Variants in UBE2D3 observed in about 807,000 individuals in gnomAD.
The protein encoded by UBE2D3 is ubiquitin-conjugating enzyme E2 D3.
In UBE2D3, 2 loss-of-function variants were observed where a neutral mutation model predicts 22.8. The observed-to-expected ratio is 0.09, with a 90% CI of 0.04 to 0.28. The LOEUF is 0.28. Ranked by LOEUF, UBE2D3 falls within the 10% of genes least tolerant of loss-of-function variation. UBE2D3 has a pLI of 1.00. For missense variants in UBE2D3, 27 were observed against 182.5 expected, an observed-to-expected ratio of 0.15 and a Z score of 4.91; for synonymous variants, 56 against 60.4, an observed-to-expected ratio of 0.93 and a Z score of 0.34.
At chr4:102,805,481 A>G (rs2110267416) in intron 4 of UBE2D3, among the ~76,000 whole-genome samples, 1 of 151,302 alleles carries the variant, frequency 6.6e-6, no homozygotes, top group African/African-American at 2.4e-5. Flanking sequence ...CTGTGGCAAT[A>G]AAACGTTGGT....
At chr4:102,829,266 G>A (rs1730974978), upstream of UBE2D3, among the ~76,000 whole-genome samples, 1 of 152,170 alleles carries the variant, frequency 6.6e-6, no homozygotes, top group Non-Finnish European at 1.5e-5. Context: ...GAGTAGCAAA[G>A]CACTGAAGTG....
At chr4:102,854,253 T>C (rs1732525968) in intron 1 of UBE2D3, among the ~76,000 whole-genome samples, 1 of 152,200 alleles carries the variant, frequency 6.6e-6, no homozygotes, top group Admixed American at 6.5e-5. Flanking sequence ...GTTATTTTTA[T>C]ATTGACAAAT....
In UBE2D3 at chr4:102,826,557, G is replaced by A. The variant is rs1354563449; in HGVS notation, c.-49C>T. ...CTCACTCTCTCGGTGTATGCTCAAA[G>A]GTCCGGCCAAAACTCTTGATTATCC... On this transcript the variant is annotated 5_prime_UTR_variant, in exon 2 of 8. Coordinates refer to ENST00000453744, the MANE Select transcript of UBE2D3 (RefSeq NM_181891.3). The A allele has an allele frequency of 1.9e-6, 3 of 1,610,538 alleles. No individual in the cohort carries two copies. In the South Asian group the frequency reaches 3.3e-5, roughly 18 times the overall value.
At chr4:102,838,091 C>A (rs1261104499) in intron 1 of UBE2D3, among the ~76,000 whole-genome samples, 1 of 152,156 alleles carries the variant, frequency 6.6e-6, no homozygotes, top group East Asian at 1.9e-4. Context: ...TGCACTCCTA[C>A]CTGGTGACAG....
intron 6 of UBE2D3, among the ~76,000 whole-genome samples, chr4:102,800,913 C>A (rs1721805271): frequency 6.6e-6 from 1 of 151,886 alleles, no homozygotes; most frequent in South Asian, 2.1e-4. Context: ...GTAACAGATA[C>A]CTATTAAGAG....
chr4:102,843,533 ACTC>A (rs1176846895), intron 1 of UBE2D3: 1 of 151,874 alleles, frequency 6.6e-6, no homozygotes, highest in Non-Finnish European at 1.5e-5. Context: ...ACCTGCCTCT[ACTC>A]CTTCAGCACT....
intron 2 of UBE2D3, chr4:102,811,419 C>T (rs111231769): frequency 4.3e-4 from 67 of 156,740 alleles, no homozygotes; most frequent in Admixed American, 8.5e-4. Flanking sequence ...CAGTGGCTCA[C>T]GCCCGTAATC....
upstream of UBE2D3, among the ~76,000 whole-genome samples, chr4:102,832,016 TGAG>T (rs1731142091): frequency 2.6e-5 from 4 of 152,184 alleles, no homozygotes; most frequent in East Asian, 1.9e-4. Context: ...GAAAGTCTCT[TGAG>T]GAGACCAGTA....
At chr4:102,821,669 T>C (rs1729640435) in intron 2 of UBE2D3, among the ~76,000 whole-genome samples, 1 of 152,150 alleles carries the variant, frequency 6.6e-6, no homozygotes, top group African/African-American at 2.4e-5. Context: ...TATAACTGGA[T>C]TGTAACACAA....
rs914431238 is a variant in UBE2D3, at chr4:102,796,099, T to C, written c.*1316A>G. The stretch of plus-strand genomic sequence containing the variant: ...TTCAATGGATACTCAATATCCCACA[T>C]AGATAAGTCACTTCAACACAGCCTC... On this transcript the variant is annotated 3_prime_UTR_variant, in exon 8 of 8. Coordinates refer to ENST00000453744, the MANE Select transcript of UBE2D3 (RefSeq NM_181891.3). 2 of 152,450 alleles carry C rather than the reference T, an allele frequency of 1.3e-5. No homozygotes were observed. Among genetic ancestry groups the C allele is most frequent in the African/African-American group, 4.8e-5 (2 of 41,444 alleles). The allele number at this position is 152,450 out of a possible 1,614,324, so 9.4% of individuals were successfully genotyped here.
intron 1 of UBE2D3, chr4:102,827,078 A>T: frequency 1.0e-6 from 1 of 985,668 alleles, no homozygotes; most frequent in Non-Finnish European, 1.2e-6. Flanking sequence ...GAAATAAAGG[A>T]AGGGAGACTT....
intron 1 of UBE2D3, among the ~76,000 whole-genome samples, chr4:102,853,599 A>T (rs866510749): frequency 9.9e-5 from 15 of 152,192 alleles, no homozygotes; most frequent in African/African-American, 1.4e-4. Flanking sequence ...CTTTATTTTT[A>T]AAATGGAGAA....
At chr4:102,845,496 C>T (rs558401743) in intron 1 of UBE2D3, among the ~76,000 whole-genome samples, 1 of 152,290 alleles carries the variant, frequency 6.6e-6, no homozygotes, top group South Asian at 2.1e-4. Context: ...TCGTTGTATA[C>T]AGCTGTGATT....
At chr4:102,834,470 C>T (rs567298681) in intron 1 of UBE2D3, among the ~76,000 whole-genome samples, 10 of 152,162 alleles carry the variant, frequency 6.6e-5, no homozygotes, top group Non-Finnish European at 1.2e-4. Context: ...GATTGAGGGC[C>T]GGGTGTGGTG....
intron 1 of UBE2D3, 93 bp downstream of exon 1, chr4:102,827,334 T>C (rs944483742): frequency 4.1e-6 from 4 of 975,868 alleles, no homozygotes; most frequent in Admixed American, 6.2e-5. Flanking sequence ...GGCTGGCCGC[T>C]CAAGCCGCCC....
At chr4:102,818,175 A>C (rs141516325) in intron 2 of UBE2D3, among the ~76,000 whole-genome samples, 112 of 152,342 alleles carry the variant, frequency 7.4e-4, no homozygotes, top group African/African-American at 2.4e-3. Context: ...GGAATTGCTC[A>C]AGGTTCCACT....
rs1725781628 is a variant in UBE2D3, at chr4:102,799,506, A to G, written c.305-6T>C. 6 of 1,602,936 alleles carry G rather than the reference A, an allele frequency of 3.7e-6. No homozygotes were observed. The highest frequency in any genetic ancestry group is 4.3e-6 in the Non-Finnish European group (5 of 1,173,496). ...TGAACAAATGGATAAAAGAACTGCA[A>G]GAAAACAAAAACATCTGTTACCCAG... On this transcript the variant is annotated splice_region_variant and splice_polypyrimidine_tract_variant and intron_variant, in intron 6 of 7. Coordinates refer to ENST00000453744, the MANE Select transcript of UBE2D3 (RefSeq NM_181891.3).
intron 1 of UBE2D3, among the ~76,000 whole-genome samples, chr4:102,845,459 G>C (rs1483820789): frequency 6.6e-6 from 1 of 152,150 alleles, no homozygotes; most frequent in Admixed American, 6.5e-5. Flanking sequence ...AGACAAGTTT[G>C]AGAACCCCAC....
chr4:102,828,111 G>A (rs1020360873), upstream of UBE2D3: 54 of 985,348 alleles, frequency 5.5e-5, no homozygotes, highest in Non-Finnish European at 6.4e-5. Flanking sequence ...AACTGGGGCG[G>A]GCCACTGCCA....
Sources: gnomAD v4.1 joint callset for allele counts (sites outside exome capture counted in the v4.1 genomes callset) on GRCh38, gnomAD v4.1.1 for gene constraint, MANE v1.5 for transcripts, NCBI Gene and HGNC (gene_info 2026-07-23, HGNC 2026-07-21) for gene names.